The following MAP2K1 variants were observed in gnomAD, a reference collection of about 807,000 sequenced individuals.
MAP2K1 encodes the protein mitogen-activated protein kinase kinase 1.
A neutral mutation model predicts 46.3 loss-of-function variants in MAP2K1; 16 were observed. The observed-to-expected ratio is 0.35, with a 90% CI of 0.23 to 0.52. The LOEUF (loss-of-function observed/expected upper bound fraction) is 0.52, where lower values mean the gene tolerates loss of function less well. Ranked by LOEUF, MAP2K1 falls within the 20% of genes least tolerant of loss-of-function variation. The probability of loss-of-function intolerance (pLI) is 0.94; values close to 1 mark genes in which losing one functional copy is unlikely to be tolerated. For synonymous variants in MAP2K1, 183 were observed against 185.6 expected, an observed-to-expected ratio of 0.99 and a Z score of 0.11; for missense variants, 263 against 497.1, an observed-to-expected ratio of 0.53 and a Z score of 4.48.
At chr15:66,485,827 G>A (rs1893026002) in intron 7 of MAP2K1, among the ~76,000 whole-genome samples, 3 of 152,056 alleles carry the variant, frequency 2.0e-5, no homozygotes, top group South Asian at 2.1e-4. Context: ...CAATCCTCCC[G>A]CCTCAGCCTC....
chr15:66,481,695 C>T, intron 5 of MAP2K1, 60 bp from the exon 6 acceptor site: 1 of 1,592,248 alleles, frequency 6.3e-7, no homozygotes, highest in South Asian at 1.1e-5. Flanking sequence ...AATGCTGATC[C>T]TTCTCTTCCC....
chr15:66,485,238 T>G (rs757661284), intron 7 of MAP2K1, 47 bp downstream of exon 7: 2 of 1,557,430 alleles, frequency 1.3e-6, no homozygotes, highest in Non-Finnish European at 1.8e-6. Flanking sequence ...GAGGGGAGGG[T>G]CCCTTACTTT....
At chr15:66,418,926 G>A (rs370445906) in intron 1 of MAP2K1, among the ~76,000 whole-genome samples, 2 of 142,228 alleles carry the variant, frequency 1.4e-5, no homozygotes, top group East Asian at 2.1e-4. Flanking sequence ...GATTAGAGGT[G>A]TGATCCACTG....
At chr15:66,487,180 A>G (rs199866229) in intron 7 of MAP2K1, 48 bp from the exon 8 acceptor site, 2 of 1,532,892 alleles carry the variant, frequency 1.3e-6, no homozygotes, top group Non-Finnish European at 1.8e-6. Flanking sequence ...TCATATTAAC[A>G]AGTAATCTGT....
At chr15:66,432,331 C>T (rs1351049085) in intron 1 of MAP2K1, among the ~76,000 whole-genome samples, 5 of 152,106 alleles carry the variant, frequency 3.3e-5, no homozygotes, top group South Asian at 2.1e-4. Flanking sequence ...GGTGGTTAAA[C>T]GGCAAGGCAT....
rs144867688 is a variant in MAP2K1 at position 66,473,161 on chromosome 15, G to A, written c.569-8594G>A. On this transcript the variant is annotated intron_variant, in intron 5 of 10. Transcript: ENST00000307102. ...TGAGGTAGCCCAAATAATCTGGTGGGGGAAATATGCTGTTTTAATGTTATT... is the reference window on the plus strand; with the variant it reads ...TGAGGTAGCCCAAATAATCTGGTGGAGGAAATATGCTGTTTTAATGTTATT... Among the ~76,000 whole-genome samples, 413 of 152,282 alleles carry A rather than the reference G, an allele frequency of 2.7e-3. 2 individuals are homozygous for A. The highest frequency in any genetic ancestry group is 9.4e-3 in the African/African-American group (389 of 41,560).
intron 1 of MAP2K1, among the ~76,000 whole-genome samples, chr15:66,405,717 C>A (rs969000585): frequency 6.6e-6 from 1 of 152,214 alleles, no homozygotes; most frequent in East Asian, 1.9e-4. Context: ...AAACTAGATT[C>A]TTTCTCCCAA....
chr15:66,443,485 C>T, intron 4 of MAP2K1, 128 bp downstream of exon 4: 1 of 692,242 alleles, frequency 1.4e-6, no homozygotes, highest in Non-Finnish European at 2.7e-6. Flanking sequence ...GGTATTTTCT[C>T]ACTAGACTCT....
At chr15:66,406,337 G>T (rs1470309949) in intron 1 of MAP2K1, among the ~76,000 whole-genome samples, 1 of 152,084 alleles carries the variant, frequency 6.6e-6, no homozygotes, top group Non-Finnish European at 1.5e-5. Flanking sequence ...CTGAAGTAAA[G>T]TGAGGAGTCA....
At chr15:66,455,027 C>T (rs1411797362) in intron 5 of MAP2K1, among the ~76,000 whole-genome samples, 3 of 152,170 alleles carry the variant, frequency 2.0e-5, no homozygotes, top group Admixed American at 6.5e-5. Context: ...AGCTCCCTGG[C>T]GTACAACTCT....
At chr15:66,488,149 CTGCTG>C (rs1893111020) in intron 8 of MAP2K1, among the ~76,000 whole-genome samples, 1 of 152,202 alleles carries the variant, frequency 6.6e-6, no homozygotes, top group East Asian at 1.9e-4. Flanking sequence ...CACAGCCCCT[CTGCTG>C]CCTAGCTCTT....
intron 5 of MAP2K1, among the ~76,000 whole-genome samples, chr15:66,460,320 T>C (rs1216191601): frequency 1.3e-5 from 2 of 152,224 alleles, no homozygotes; most frequent in Non-Finnish European, 2.9e-5. Flanking sequence ...TCTTAGCTCC[T>C]TAAGAGAGGC....
At chr15:66,465,753 C>T (rs1448885664) in intron 5 of MAP2K1, among the ~76,000 whole-genome samples, 2 of 152,114 alleles carry the variant, frequency 1.3e-5, no homozygotes, top group African/African-American at 4.8e-5. Flanking sequence ...TTTCTCTCTC[C>T]ACTTTCCTGT....
chr15:66,489,412 C>T, intron 9 of MAP2K1, 136 bp downstream of exon 9: 7 of 852,482 alleles, frequency 8.2e-6, no homozygotes, highest in Non-Finnish European at 1.4e-5. Flanking sequence ...TTCTTGGCTG[C>T]TGCCATAAGC....
chr15:66,489,337 A>T lies in MAP2K1; in HGVS notation c.1022+61A>T, dbSNP rs2140683215. 48 of 1,463,446 alleles carry T rather than the reference A, an allele frequency of 3.3e-5. No individual in the cohort carries two copies. In the South Asian group the frequency reaches 5.0e-4, roughly 15 times the overall value. 90.7% of individuals were successfully genotyped at this position (1,463,446 alleles called of 1,614,324 possible). On this transcript the variant is annotated intron_variant, in intron 9 of 10. Transcript: ENST00000307102. ...CTGGATTTGTCAGGCTCCCCACCCC[A>T]TTTCTGGAAGCACCAGCATTGCTTC...
At chr15:66,392,254 G>GTTTTTT (rs374203054) in intron 1 of MAP2K1, among the ~76,000 whole-genome samples, 6,405 of 79,210 alleles carry the variant, frequency 0.081, 566 homozygotes, top group Non-Finnish European at 0.091. Flanking sequence ...GTTTTTTTTG[G>GTTTTTT]GTTTTTTTTT....
At chr15:66,453,536 G>A (rs1368166940) in intron 5 of MAP2K1, 2 of 702,264 alleles carry the variant, frequency 2.8e-6, no homozygotes, top group Admixed American at 2.0e-5. Context: ...TCCTGAGCAA[G>A]CAGCACAGTG....
chr15:66,398,381 C>T (rs2093373315), intron 1 of MAP2K1, among the ~76,000 whole-genome samples: 1 of 152,180 alleles, frequency 6.6e-6, no homozygotes, highest in Admixed American at 6.5e-5. Context: ...TGCCACTGCA[C>T]TCTAGCCTGG....
At chr15:66,415,453 A>C (rs984575705) in intron 1 of MAP2K1, among the ~76,000 whole-genome samples, 1 of 152,212 alleles carries the variant, frequency 6.6e-6, no homozygotes, top group Non-Finnish European at 1.5e-5. Flanking sequence ...GTGGTAAGTC[A>C]GATCCCTCTG....
Sources: gnomAD v4.1 joint callset for allele counts (sites outside exome capture counted in the v4.1 genomes callset) on GRCh38, gnomAD v4.1.1 for gene constraint, MANE v1.5 for transcripts, NCBI Gene and HGNC (gene_info 2026-07-23, HGNC 2026-07-21) for gene names.